Variants in PRELID2 observed in about 807,000 individuals in gnomAD.
PRELID2 encodes the protein PRELI domain containing 2.
A neutral mutation model predicts 28.4 loss-of-function variants in PRELID2; 25 were observed. The observed-to-expected ratio is 0.88, with a 90% CI of 0.64 to 1.23. The LOEUF (loss-of-function observed/expected upper bound fraction) is 1.23, where lower values mean the gene tolerates loss of function less well. Among genes scored for constraint, PRELID2 ranks in the 50% most tolerant of loss-of-function variants. PRELID2 has a pLI of 0.00. For missense variants in PRELID2, 201 were observed against 214.4 expected, an observed-to-expected ratio of 0.94 and a Z score of 0.39; for synonymous variants, 76 against 71.6, an observed-to-expected ratio of 1.06 and a Z score of -0.31.
At chr5:145,494,675 T>C (rs1246908553) in intron 1 of PRELID2, among the ~76,000 whole-genome samples, 1 of 152,166 alleles carries the variant, frequency 6.6e-6, no homozygotes, top group Non-Finnish European at 1.5e-5. Context: ...TATATTCTTA[T>C]TAAAGATATT....
the PRELID2 span, among the ~76,000 whole-genome samples, chr5:145,364,236 CT>C: frequency 6.6e-6 from 1 of 151,896 alleles, no homozygotes; most frequent in Non-Finnish European, 1.5e-5. Flanking sequence ...AATTGAAATG[CT>C]TTCTCTGTCC....
At chr5:145,291,139 A>C in the PRELID2 span, among the ~76,000 whole-genome samples, 1 of 151,722 alleles carries the variant, frequency 6.6e-6, no homozygotes, top group Non-Finnish European at 1.5e-5. Context: ...AGAGATCAAG[A>C]CCATCCTGGC....
the PRELID2 span, among the ~76,000 whole-genome samples, chr5:145,330,461 G>T: frequency 1.3e-5 from 2 of 152,112 alleles, no homozygotes; most frequent in African/African-American, 4.8e-5. Flanking sequence ...ACTTGTTATT[G>T]GTCTATTCAG....
At chr5:145,711,852 G>C (rs1024307867) in intron 1 of PRELID2, among the ~76,000 whole-genome samples, 2 of 152,156 alleles carry the variant, frequency 1.3e-5, no homozygotes. Flanking sequence ...GAGAGCCAGG[G>C]GCAGGACTGA....
chr5:145,431,020 T>TG, the PRELID2 span, among the ~76,000 whole-genome samples: 2 of 145,512 alleles, frequency 1.4e-5, no homozygotes, highest in African/African-American at 2.6e-5. Context: ...TTTTTTTTTT[T>TG]TTTTTTTTTT....
chr5:145,255,997 G>A, the PRELID2 span, among the ~76,000 whole-genome samples: 4 of 151,822 alleles, frequency 2.6e-5, no homozygotes, highest in African/African-American at 9.7e-5. Context: ...TTAGTTTTTT[G>A]TTGCTGCTGT....
rs181285999 is a variant in PRELID2 at position 145,687,095 on chromosome 5, A to G, written n.70+77836T>C. Among the ~76,000 whole-genome samples the G allele has an allele frequency of 1.9e-3, 287 of 152,314 alleles. 2 individuals carry two copies. Among genetic ancestry groups the G allele is most frequent in the Non-Finnish European group, 3.4e-3 (232 of 68,030 alleles). On this transcript the variant is annotated intron_variant and non_coding_transcript_variant, in intron 1 of 2. Coordinates refer to the PRELID2 transcript ENST00000510259. Reference sequence around the variant, plus strand: ...ACTTGGAGATGCTAAATGATGACCAAGAAGATCACCAGGTTAACCTGGAAG... The same window carrying G: ...ACTTGGAGATGCTAAATGATGACCAGGAAGATCACCAGGTTAACCTGGAAG...
chr5:145,402,076 T>C, the PRELID2 span, among the ~76,000 whole-genome samples: 10 of 152,320 alleles, frequency 6.6e-5, no homozygotes, highest in East Asian at 1.3e-3. Flanking sequence ...CTTTCATCCA[T>C]AAAATTTGTG....
chr5:145,497,770 G>A (rs1274400828), intron 1 of PRELID2, among the ~76,000 whole-genome samples: 2 of 152,210 alleles, frequency 1.3e-5, no homozygotes, highest in Non-Finnish European at 2.9e-5. Flanking sequence ...CAGAGACTGT[G>A]CAGTTAATGA....
intron 1 of PRELID2, among the ~76,000 whole-genome samples, chr5:145,518,414 G>T (rs1752537656): frequency 6.6e-6 from 1 of 151,986 alleles, no homozygotes; most frequent in Non-Finnish European, 1.5e-5. Flanking sequence ...TGGCCAGGCT[G>T]GTCTCGAGTT....
intron 1 of PRELID2, among the ~76,000 whole-genome samples, chr5:145,530,477 G>A (rs1561500719): frequency 6.6e-6 from 1 of 152,018 alleles, no homozygotes; most frequent in African/African-American, 2.4e-5. Flanking sequence ...AATAAGTCAA[G>A]AGGAGTTAGT....
At chr5:145,595,966 C>T (rs1753299071) in intron 1 of PRELID2, among the ~76,000 whole-genome samples, 2 of 151,576 alleles carry the variant, frequency 1.3e-5, no homozygotes, top group South Asian at 2.1e-4. Flanking sequence ...TGGCACACAC[C>T]GATAGTTCCA....
At chr5:145,449,549 C>T in the PRELID2 span, among the ~76,000 whole-genome samples, 290 of 152,166 alleles carry the variant, frequency 1.9e-3, 3 homozygotes, top group Non-Finnish European at 2.9e-3. Flanking sequence ...AACAGGGGTA[C>T]GTGGTGGGCC....
intron 1 of PRELID2, among the ~76,000 whole-genome samples, chr5:145,598,563 A>C (rs1334433251): frequency 1.3e-5 from 2 of 152,212 alleles, no homozygotes; most frequent in Non-Finnish European, 2.9e-5. Context: ...AGAATACGTA[A>C]TTTTGGTATG....
the PRELID2 span, among the ~76,000 whole-genome samples, chr5:145,303,333 T>A: frequency 6.6e-6 from 1 of 152,212 alleles, no homozygotes; most frequent in Non-Finnish European, 1.5e-5. Context: ...TGAATATGAT[T>A]GTAAGCCCCC....
At chr5:145,433,078 C>T in the PRELID2 span, among the ~76,000 whole-genome samples, 21 of 152,084 alleles carry the variant, frequency 1.4e-4, no homozygotes, top group African/African-American at 5.1e-4. Context: ...GATGCCCCAG[C>T]AGATATTTGG....
the PRELID2 span, among the ~76,000 whole-genome samples, chr5:145,358,171 G>T: frequency 1.3e-5 from 2 of 152,064 alleles, no homozygotes; most frequent in Admixed American, 6.6e-5. Context: ...CTTCTCAGGG[G>T]AACACAGGGT....
chr5:145,525,890 C>T (rs1349221561), intron 1 of PRELID2, among the ~76,000 whole-genome samples: 1 of 152,174 alleles, frequency 6.6e-6, no homozygotes, highest in Non-Finnish European at 1.5e-5. Context: ...CGAAAAAAAG[C>T]AGACTCTGCA....
the PRELID2 span, among the ~76,000 whole-genome samples, chr5:145,447,059 A>AAATAAATG: frequency 6.7e-6 from 1 of 148,828 alleles, no homozygotes; most frequent in South Asian, 2.1e-4. Flanking sequence ...CAAAATAAAT[A>AAATAAATG]AATAAATAAA....
Sources: gnomAD v4.1 joint callset for allele counts (sites outside exome capture counted in the v4.1 genomes callset) on GRCh38, gnomAD v4.1.1 for gene constraint, MANE v1.5 for transcripts, NCBI Gene and HGNC (gene_info 2026-07-23, HGNC 2026-07-21) for gene names.